CDH18: variants seen among roughly 807,000 people sequenced by gnomAD.
CDH18 encodes cadherin 18.
A neutral mutation model predicts 67.9 loss-of-function variants in CDH18; 31 were observed. The observed-to-expected ratio is 0.46, with a 90% CI of 0.34 to 0.62. The LOEUF (loss-of-function observed/expected upper bound fraction) is 0.62. CDH18 is among the 20% of genes least tolerant of loss of function. The probability of loss-of-function intolerance (pLI) is 0.01; values close to 1 mark genes in which losing one functional copy is unlikely to be tolerated. For missense variants in CDH18, 890 were observed against 975.5 expected, an observed-to-expected ratio of 0.91 and a Z score of 1.17; for synonymous variants, 362 against 347.2, an observed-to-expected ratio of 1.04 and a Z score of -0.48.
intron 2 of CDH18, among the ~76,000 whole-genome samples, chr5:19,931,626 T>C (rs1793707364): frequency 6.6e-6 from 1 of 151,862 alleles, no homozygotes; most frequent in Non-Finnish European, 1.5e-5. Flanking sequence ...AAAAGCTATA[T>C]TATTAATATT....
chr5:19,586,398 A>C (rs1744144967), intron 7 of CDH18, among the ~76,000 whole-genome samples: 1 of 151,714 alleles, frequency 6.6e-6, no homozygotes, highest in South Asian at 2.1e-4. Flanking sequence ...TGTGTTGTTA[A>C]CCCTATGTGT....
intron 1 of CDH18, among the ~76,000 whole-genome samples, chr5:20,563,202 A>C (rs1182023930): frequency 6.6e-6 from 1 of 152,078 alleles, no homozygotes; most frequent in Non-Finnish European, 1.5e-5. Flanking sequence ...GTTGAAAAAT[A>C]GAGGATGGGG....
intron 5 of CDH18, among the ~76,000 whole-genome samples, chr5:19,702,068 T>C (rs958195375): frequency 6.6e-5 from 10 of 150,916 alleles, no homozygotes; most frequent in African/African-American, 2.4e-4. Context: ...TAAGGAAAAA[T>C]CCACCACGGT....
chr5:19,514,512 T>C (rs1295999053), intron 10 of CDH18, among the ~76,000 whole-genome samples: 1 of 152,204 alleles, frequency 6.6e-6, no homozygotes, highest in Non-Finnish European at 1.5e-5. Flanking sequence ...CACCTGTTGT[T>C]TCCTGACTTT....
intron 2 of CDH18, among the ~76,000 whole-genome samples, chr5:19,849,450 T>C (rs1304920363): frequency 1.3e-5 from 2 of 151,638 alleles, no homozygotes; most frequent in Non-Finnish European, 2.9e-5. Flanking sequence ...CAATGTGTTT[T>C]AAGGAGGAAA....
intron 5 of CDH18, among the ~76,000 whole-genome samples, chr5:19,719,401 G>C (rs546917447): frequency 5.3e-4 from 81 of 151,910 alleles, no homozygotes; most frequent in African/African-American, 1.8e-3. Context: ...TTTCCTCTAG[G>C]GAGATGTGTA....
intron 1 of CDH18, among the ~76,000 whole-genome samples, chr5:20,558,029 AGTTATATAACATTAATT>A (rs1758010182): frequency 2.1e-5 from 3 of 143,614 alleles, no homozygotes; most frequent in Admixed American, 1.4e-4. Context: ...TAAATGTTAT[AGTTATATAACATTAATT>A]GTTATATAAC....
intron 5 of CDH18, among the ~76,000 whole-genome samples, chr5:19,706,078 A>G (rs543186468): frequency 1.3e-5 from 2 of 152,284 alleles, no homozygotes; most frequent in African/African-American, 4.8e-5. Context: ...TGAGGTATTG[A>G]CTGCTTTTGA....
At chr5:20,546,678 T>C (rs1549654) in intron 1 of CDH18, among the ~76,000 whole-genome samples, 68,614 of 151,518 alleles carry the variant, frequency 0.45, 15,824 homozygotes, top group East Asian at 0.57. Context: ...CCTCCCTGGA[T>C]ATGTGGGGAT....
chr5:19,959,068 G>A (rs79180247), intron 2 of CDH18, among the ~76,000 whole-genome samples: 1,849 of 151,962 alleles, frequency 0.012, 62 homozygotes, highest in African/African-American at 0.042. Context: ...TCATGAAAGA[G>A]AAACAAAGAA....
chr5:20,446,272 G>A (rs1171064317), intron 1 of CDH18, among the ~76,000 whole-genome samples: 2 of 152,136 alleles, frequency 1.3e-5, no homozygotes, highest in Non-Finnish European at 2.9e-5. Context: ...TTCCATCAGA[G>A]TAGAGTCAGG....
At chr5:19,573,863 T>C (rs1438538678) in intron 7 of CDH18, among the ~76,000 whole-genome samples, 1 of 152,180 alleles carries the variant, frequency 6.6e-6, no homozygotes, top group Non-Finnish European at 1.5e-5. Context: ...TTTAGATCAA[T>C]GTCTATAATT....
At chr5:19,635,131 T>C (rs1752959553) in intron 5 of CDH18, among the ~76,000 whole-genome samples, 1 of 152,156 alleles carries the variant, frequency 6.6e-6, no homozygotes, top group Non-Finnish European at 1.5e-5. Context: ...GAAAATCAAA[T>C]ACTAATCTAG....
At chr5:19,544,804 C>T (rs778297637) in intron 8 of CDH18, among the ~76,000 whole-genome samples, 53 of 152,104 alleles carry the variant, frequency 3.5e-4, no homozygotes, top group Non-Finnish European at 1.5e-4. Context: ...AAGGGAAACA[C>T]ACGGGGCAAA....
rs1264853738 is a variant in CDH18 at position 19,744,679 on chromosome 5, G to T, written c.523+2263C>A. On this transcript the variant is annotated intron_variant, in intron 4 of 12. Coordinates refer to ENST00000382275, the MANE Select transcript of CDH18 (RefSeq NM_004934.5). The stretch of plus-strand genomic sequence containing the variant: ...AGATCCTTCTCCAAATATTTATTTT[G>T]CCCTAGCTGATGGATCATATTTGTC... 2.0e-5 allele frequency among the ~76,000 whole-genome samples: 3 copies of T among 151,982 alleles called. No individual in the cohort carries two copies. In the East Asian group the frequency reaches 5.8e-4, roughly 29 times the overall value.
At chr5:19,896,027 T>A (rs1029441267) in intron 2 of CDH18, among the ~76,000 whole-genome samples, 3 of 141,950 alleles carry the variant, frequency 2.1e-5, no homozygotes, top group Non-Finnish European at 3.1e-5. Context: ...GAAAAAAAAA[T>A]GGTCCTTGCA....
chr5:20,171,050 AT>A (rs1427375859), intron 2 of CDH18, among the ~76,000 whole-genome samples: 2 of 35,018 alleles, frequency 5.7e-5, no homozygotes, highest in Non-Finnish European at 1.4e-4. Flanking sequence ...TTTTTTTTTT[AT>A]ATATATATAT....
intron 2 of CDH18, among the ~76,000 whole-genome samples, chr5:20,072,924 T>C (rs2150528067): frequency 6.6e-6 from 1 of 152,118 alleles, no homozygotes; most frequent in African/African-American, 2.4e-5. Flanking sequence ...TTAGAGATCA[T>C]TTAGTTGCTT....
chr5:19,632,535 CA>C (rs946120330), intron 5 of CDH18, among the ~76,000 whole-genome samples: 2 of 152,190 alleles, frequency 1.3e-5, no homozygotes, highest in Admixed American at 1.3e-4. Context: ...TTTCCAAACA[CA>C]GGGCTATCTC....
Sources: gnomAD v4.1 joint callset for allele counts (sites outside exome capture counted in the v4.1 genomes callset) on GRCh38, gnomAD v4.1.1 for gene constraint, MANE v1.5 for transcripts, NCBI Gene and HGNC (gene_info 2026-07-23, HGNC 2026-07-21) for gene names.